The following ATP7A variants were observed in gnomAD, a reference collection of about 807,000 sequenced individuals.
ATP7A encodes the protein copper-transporting ATPase 1.
Under a neutral mutation model 83.5 loss-of-function variants are expected in ATP7A, and 7 were observed. The observed-to-expected ratio is 0.08, with a 90% CI of 0.05 to 0.16. ATP7A has a LOEUF of 0.16. ATP7A is among the 10% of genes least tolerant of loss of function. The probability of loss-of-function intolerance (pLI) is 1.00; values close to 1 mark genes in which losing one functional copy is unlikely to be tolerated. For missense variants in ATP7A, 940 were observed against 1,120.8 expected (o/e 0.84, Z 2.30); for synonymous variants, 354 against 395.2 (o/e 0.90, Z 1.24).
intron 4 of ATP7A, among the ~76,000 whole-genome samples, chrX:77,990,488 A>G (rs1437640045): frequency 3.6e-5 from 4 of 111,772 alleles, no homozygotes; most frequent in African/African-American, 1.3e-4. Flanking sequence ...TGTTTTTACA[A>G]TAAGAATGTA....
At chrX:78,005,141 AT>A (rs1207705922) in intron 6 of ATP7A, among the ~76,000 whole-genome samples, 6 of 110,437 alleles carry the variant, frequency 5.4e-5, no homozygotes, top group Admixed American at 9.7e-5. Context: ...TATTTGGAGC[AT>A]TTTTTTTCAA....
At chrX:77,971,024 G>A (rs2077543794) in intron 1 of ATP7A, among the ~76,000 whole-genome samples, 1 of 112,000 alleles carries the variant, frequency 8.9e-6, no homozygotes, top group South Asian at 3.7e-4. Context: ...ACAAAGACTT[G>A]GAGACAAAGA....
At position 78,009,261 on chromosome X, in the gene ATP7A, G is replaced by A. The variant is rs1382569560; in HGVS notation, c.1867G>A (p.Glu623Lys). 7 of 1,205,759 alleles carry A rather than the reference G, an allele frequency of 5.8e-6. No individual in the cohort carries two copies. The highest frequency in any genetic ancestry group is 7.9e-6 in the Non-Finnish European group (7 of 890,676). Residue 623 changes from glutamate to lysine, a missense_variant and splice_region_variant, in exon 7 of 23, where the codon GAA (glutamate) becomes AAA (lysine). Coordinates refer to ENST00000341514, the MANE Select transcript of ATP7A (RefSeq NM_000052.7). The stretch of plus-strand genomic sequence containing the variant: ...TCCTAGAGATATTATCCATACAATT[G>A]AAGTAAGTGCCAAGAATTTATGTTT... ...IGPRDIIHTI[E>K]SLGFEASLVK...
chrX:77,966,038 T>G (rs782315452), intron 1 of ATP7A, among the ~76,000 whole-genome samples: 21 of 112,444 alleles, frequency 1.9e-4, no homozygotes, highest in Admixed American at 1.3e-3. Context: ...GTTGTTGTTG[T>G]TTTTAGGTGA....
intron 1 of ATP7A, among the ~76,000 whole-genome samples, chrX:77,962,369 A>G (rs1169516740): frequency 1.8e-5 from 2 of 112,130 alleles, no homozygotes; most frequent in Non-Finnish European, 3.8e-5. Context: ...TTTAAACTCA[A>G]AAAAACTCTG....
intron 1 of ATP7A, among the ~76,000 whole-genome samples, chrX:77,929,310 G>T (rs1027664945): frequency 9.0e-6 from 1 of 111,612 alleles, no homozygotes; most frequent in Non-Finnish European, 1.9e-5. Flanking sequence ...CTGCTGCCAT[G>T]TACCCAAAGA....
At chrX:77,990,246 A>G (rs1298960462) in intron 4 of ATP7A, among the ~76,000 whole-genome samples, 6 of 112,359 alleles carry the variant, frequency 5.3e-5, no homozygotes, top group African/African-American at 1.9e-4. Context: ...AATTAATGCC[A>G]CAGGAAGGTG....
chrX:77,971,508 A>G lies in ATP7A; in HGVS notation c.-21-113A>G, dbSNP rs1557229660. ...ACTAGCACATTTTAATTTTTTAAAC[A>G]TGACACTTGAGCATATATAAAATGT... is the stretch of plus-strand genomic sequence containing the variant. On this transcript the variant is annotated intron_variant, in intron 1 of 22. Transcript: ENST00000341514. 7.9e-6 allele frequency: 6 copies of G among 756,675 alleles called. No individual in the cohort carries two copies. The East Asian group carries it at 1.6e-4, about 20-fold the overall frequency. 62.4% of individuals were successfully genotyped at this position (756,675 alleles called of 1,213,427 possible). A position where few individuals can be genotyped will look rare whatever the true frequency, so the allele number is the denominator to read the frequency against.
At chrX:78,000,066 T>C (rs1156485942) in intron 5 of ATP7A, among the ~76,000 whole-genome samples, 2 of 110,910 alleles carry the variant, frequency 1.8e-5, no homozygotes, top group Non-Finnish European at 3.8e-5. Flanking sequence ...ATCCCCACCA[T>C]TGAGAAAATT....
chrX:77,935,062 T>C (rs782749601), intron 1 of ATP7A, among the ~76,000 whole-genome samples: 2 of 110,445 alleles, frequency 1.8e-5, no homozygotes, highest in Admixed American at 9.7e-5. Context: ...TCCCCCTGCG[T>C]TGGCCTCCCA....
intron 1 of ATP7A, among the ~76,000 whole-genome samples, chrX:77,934,587 G>A (rs1287270005): frequency 4.5e-5 from 5 of 111,236 alleles, no homozygotes; most frequent in African/African-American, 1.6e-4. Context: ...TTCCCCCTTA[G>A]GGATGCTGAA....
At chrX:78,027,295 T>C (rs1252910019) in intron 14 of ATP7A, among the ~76,000 whole-genome samples, 1 of 111,852 alleles carries the variant, frequency 8.9e-6, no homozygotes, top group African/African-American at 3.3e-5. Context: ...ATTATTAGCA[T>C]TTCTATACAC....
chrX:77,920,172 G>T (rs982546170), intron 1 of ATP7A, among the ~76,000 whole-genome samples: 1 of 109,432 alleles, frequency 9.1e-6, no homozygotes, highest in Non-Finnish European at 1.9e-5. Flanking sequence ...TCCCCACCCA[G>T]TAGTCCGCAG....
chrX:78,022,710 G>T (rs2077916148), intron 14 of ATP7A, among the ~76,000 whole-genome samples: 1 of 110,219 alleles, frequency 9.1e-6, no homozygotes, highest in Non-Finnish European at 1.9e-5. Flanking sequence ...TAGAGATGGG[G>T]TTTCGCCATG....
intron 5 of ATP7A, among the ~76,000 whole-genome samples, chrX:78,000,540 G>C (rs1450084763): frequency 1.9e-5 from 2 of 107,530 alleles, no homozygotes; most frequent in Non-Finnish European, 3.8e-5. Context: ...CATTCATTTT[G>C]TTTTTAACTA....
Position 77,986,650 on chromosome X carries a change from T to G in ATP7A, c.121-1592T>G, listed in dbSNP as rs2077638413. ...CTTTAAGTCATCCTAGTCGTCTCCT[T>G]TATCCTATACATCTTGTTAGGAGGC... On this transcript the variant is annotated intron_variant, in intron 2 of 22. Coordinates refer to ENST00000341514, the MANE Select transcript of ATP7A (RefSeq NM_000052.7). Among the ~76,000 whole-genome samples, 4 of 111,899 alleles carry G rather than the reference T, an allele frequency of 3.6e-5. No homozygotes were observed. The Admixed American group carries it at 3.8e-4, about 11-fold the overall frequency.
chrX:78,002,551 C>T (rs781991409), intron 5 of ATP7A, among the ~76,000 whole-genome samples: 36 of 110,929 alleles, frequency 3.2e-4, no homozygotes, highest in Non-Finnish European at 5.7e-4. Flanking sequence ...TGAATACTGC[C>T]TGGATATTTG....
intron 1 of ATP7A, among the ~76,000 whole-genome samples, chrX:77,939,228 C>T (rs1364745394): frequency 1.8e-5 from 2 of 109,391 alleles, no homozygotes; most frequent in East Asian, 5.7e-4. Flanking sequence ...ACTTGGGAGG[C>T]GGAAGTTGCA....
At chrX:77,922,489 T>C (rs1023910499) in intron 1 of ATP7A, among the ~76,000 whole-genome samples, 8 of 110,736 alleles carry the variant, frequency 7.2e-5, no homozygotes, top group Non-Finnish European at 1.5e-4. Flanking sequence ...GGCAACAGAG[T>C]GAGATCCTGT....
Sources: gnomAD v4.1 joint callset for allele counts (sites outside exome capture counted in the v4.1 genomes callset) on GRCh38, gnomAD v4.1.1 for gene constraint, MANE v1.5 for transcripts, NCBI Gene and HGNC (gene_info 2026-07-23, HGNC 2026-07-21) for gene names.